Variants in ZEB1 observed in about 807,000 individuals in gnomAD.
ZEB1 encodes the protein zinc finger E-box-binding homeobox 1.
A neutral mutation model predicts 84.9 loss-of-function variants in ZEB1; 21 were observed. The ratio of observed to expected loss-of-function variants is 0.25; its 90% CI spans 0.18 to 0.36. The LOEUF is 0.36. Ranked by LOEUF, ZEB1 falls within the 10% of genes least tolerant of loss-of-function variation. ZEB1 has a pLI of 1.00. For missense variants in ZEB1, 1,104 were observed against 1,330.2 expected, an observed-to-expected ratio of 0.83 and a Z score of 2.65; for synonymous variants, 420 against 471.1, an observed-to-expected ratio of 0.89 and a Z score of 1.41.
chr10:31,320,865 G>A (rs1056691080), intron 1 of ZEB1, among the ~76,000 whole-genome samples: 1 of 152,124 alleles, frequency 6.6e-6, no homozygotes, highest in Non-Finnish European at 1.5e-5. Context: ...AGCAGCCCCC[G>A]CCTGCGCCGC....
At chr10:31,514,826 C>A in intron 6 of ZEB1, 118 bp downstream of exon 6, 1 of 818,436 alleles carries the variant, frequency 1.2e-6, no homozygotes, top group Non-Finnish European at 1.9e-6. Flanking sequence ...TTTTGGCATA[C>A]ACTAATTGGG....
intron 1 of ZEB1, 70 bp downstream of exon 1, chr10:31,319,362 T>C: frequency 7.1e-7 from 1 of 1,414,498 alleles, no homozygotes; most frequent in Non-Finnish European, 9.6e-7. Flanking sequence ...CCCCCGGGGG[T>C]GAGGGGGGCG....
chr10:31,419,874 T>G (rs1277215562), intron 1 of ZEB1, among the ~76,000 whole-genome samples: 1 of 152,152 alleles, frequency 6.6e-6, no homozygotes, highest in East Asian at 1.9e-4. Context: ...TGGCTTGTAG[T>G]CTGGGTAACC....
At chr10:31,450,713 T>G (rs2060457495) in intron 1 of ZEB1, among the ~76,000 whole-genome samples, 2 of 152,202 alleles carry the variant, frequency 1.3e-5, no homozygotes, top group Admixed American at 6.5e-5. Flanking sequence ...AAGGGAATGG[T>G]GAATTTTTTT....
At chr10:31,438,638 C>A (rs953658558) in intron 1 of ZEB1, among the ~76,000 whole-genome samples, 1 of 152,086 alleles carries the variant, frequency 6.6e-6, no homozygotes, top group African/African-American at 2.4e-5. Flanking sequence ...GGGCTCAAGA[C>A]CACCATAGGC....
intron 2 of ZEB1, among the ~76,000 whole-genome samples, chr10:31,476,603 A>G (rs111960969): frequency 6.6e-6 from 1 of 152,036 alleles, no homozygotes; most frequent in South Asian, 2.1e-4. Flanking sequence ...ATACCTCCCT[A>G]ACTCTTTCTG....
chr10:31,510,642 A>T (rs1363062273), intron 4 of ZEB1, 31 bp from the exon 5 acceptor site: 2 of 1,584,382 alleles, frequency 1.3e-6, no homozygotes, highest in Non-Finnish European at 1.7e-6. Flanking sequence ...TGAATGTTTT[A>T]AATTTAAAAT....
intron 1 of ZEB1, among the ~76,000 whole-genome samples, chr10:31,421,294 G>A (rs1306073783): frequency 2.6e-5 from 4 of 152,008 alleles, no homozygotes; most frequent in East Asian, 3.9e-4. Flanking sequence ...GAAGAGTATC[G>A]GTGTGGGTTG....
At chr10:31,485,456 A>G (rs1333116662) in intron 2 of ZEB1, among the ~76,000 whole-genome samples, 1 of 151,830 alleles carries the variant, frequency 6.6e-6, no homozygotes, top group Non-Finnish European at 1.5e-5. Flanking sequence ...CCACTGCCTC[A>G]TTTCTTTTTA....
At chr10:31,441,622 C>A (rs2058999493) in intron 1 of ZEB1, among the ~76,000 whole-genome samples, 1 of 151,838 alleles carries the variant, frequency 6.6e-6, no homozygotes, top group South Asian at 2.1e-4. Flanking sequence ...GAACAGGCAA[C>A]CTACAGAATG....
chr10:31,497,501 GGGGA>G (rs2067419022), intron 3 of ZEB1, among the ~76,000 whole-genome samples: 1 of 152,108 alleles, frequency 6.6e-6, no homozygotes, highest in South Asian at 2.1e-4. Flanking sequence ...CCTGGAACAT[GGGGA>G]GTTAGGAGTA....
intron 5 of ZEB1, among the ~76,000 whole-genome samples, 191 bp from the exon 6 acceptor site, chr10:31,514,412 C>A (rs553029716): frequency 6.6e-6 from 1 of 152,200 alleles, no homozygotes; most frequent in South Asian, 2.1e-4. Flanking sequence ...TCAGGAGTTA[C>A]ATTTTTGTGA....
intron 1 of ZEB1, among the ~76,000 whole-genome samples, chr10:31,438,758 C>T (rs1301858761): frequency 2.0e-5 from 3 of 152,180 alleles, no homozygotes; most frequent in South Asian, 2.1e-4. Flanking sequence ...CACAGAGGAT[C>T]GCTTGAGCCT....
At chr10:31,415,297 CT>C (rs1426756268) in intron 1 of ZEB1, among the ~76,000 whole-genome samples, 1 of 152,042 alleles carries the variant, frequency 6.6e-6, no homozygotes, top group East Asian at 1.9e-4. Flanking sequence ...GGATGATACC[CT>C]AAGAATTCTA....
chr10:31,439,546 G>A (rs1258981038), intron 1 of ZEB1, among the ~76,000 whole-genome samples: 4 of 151,918 alleles, frequency 2.6e-5, no homozygotes, highest in Admixed American at 6.6e-5. Context: ...AGTGGTGATC[G>A]AAACAGAAAA....
intron 1 of ZEB1, among the ~76,000 whole-genome samples, chr10:31,412,251 T>G (rs2054438713): frequency 6.6e-6 from 1 of 152,214 alleles, no homozygotes; most frequent in African/African-American, 2.4e-5. Flanking sequence ...TTAAAATTGA[T>G]AAAATACACC....
rs139127252 is a variant in ZEB1, at chr10:31,442,774, G to C, written c.59-18263G>C. ...CAAGAGAAGAGATTGTTTTGAAAAGGAGAGAGTAATGAATTATGTCAAATG... is the reference window on the plus strand; with the variant it reads ...CAAGAGAAGAGATTGTTTTGAAAAGCAGAGAGTAATGAATTATGTCAAATG... On this transcript the variant is annotated intron_variant, in intron 1 of 8. Transcript: ENST00000424869. 9.1e-3 allele frequency among the ~76,000 whole-genome samples: 1,392 copies of C among 152,248 alleles called. 13 individuals are homozygous for C. The highest frequency in any genetic ancestry group is 0.031 in the African/African-American group (1,302 of 41,550).
At chr10:31,352,310 C>T (rs891169750) in intron 1 of ZEB1, among the ~76,000 whole-genome samples, 9 of 152,100 alleles carry the variant, frequency 5.9e-5, no homozygotes, top group South Asian at 2.1e-4. Flanking sequence ...GAAATTTAAG[C>T]GTTACTGTGA....
At chr10:31,398,158 T>C (rs556276276) in intron 1 of ZEB1, among the ~76,000 whole-genome samples, 3 of 152,274 alleles carry the variant, frequency 2.0e-5, no homozygotes, top group South Asian at 4.1e-4. Flanking sequence ...TATTAAAATA[T>C]AATCTTTGTT....
Sources: allele counts gnomAD v4.1 joint callset (sites outside exome capture counted in the v4.1 genomes callset), GRCh38; gene constraint gnomAD v4.1.1; transcripts MANE v1.5; gene names NCBI Gene and HGNC (gene_info 2026-07-23, HGNC 2026-07-21).